C6orf118: variants seen among roughly 807,000 people sequenced by gnomAD.
C6orf118 encodes uncharacterized protein C6orf118.
In C6orf118, 50 loss-of-function variants were observed where a neutral mutation model predicts 50.2. The observed-to-expected ratio is 1.00, with a 90% CI of 0.79 to 1.26. The LOEUF is 1.26. Ranked by LOEUF, C6orf118 falls within the 50% of genes most tolerant of loss-of-function variation. The pLI, the probability that C6orf118 is intolerant of heterozygous loss-of-function variation, is 0.00. For synonymous variants in C6orf118, 239 were observed against 230.9 expected (o/e 1.03, Z -0.32); for missense variants, 641 against 578.7 (o/e 1.11, Z -1.10).
intron 7 of C6orf118, among the ~76,000 whole-genome samples, chr6:165,285,377 A>G (rs543495392): frequency 4.3e-4 from 66 of 152,308 alleles, no homozygotes; most frequent in African/African-American, 1.5e-3. Flanking sequence ...CCCACTGTCA[A>G]TATTAAACAG....
chr6:165,281,555 A>T, intron 8 of C6orf118, 85 bp downstream of exon 8: 1 of 1,439,134 alleles, frequency 6.9e-7, no homozygotes, highest in Non-Finnish European at 9.1e-7. Context: ...AATTACGATC[A>T]GTTGGTCATG....
chr6:165,307,525 T>C (rs1473343090), intron 1 of C6orf118, among the ~76,000 whole-genome samples: 1 of 150,666 alleles, frequency 6.6e-6, no homozygotes, highest in Admixed American at 6.6e-5. Flanking sequence ...ACCACTGCAC[T>C]CCAGCCTGGA....
intron 6 of C6orf118, among the ~76,000 whole-genome samples, chr6:165,290,991 G>C (rs916519467): frequency 1.3e-5 from 2 of 152,106 alleles, no homozygotes; most frequent in African/African-American, 4.8e-5. Flanking sequence ...TGAGAAATAC[G>C]CAAAAGGGGA....
intron 3 of C6orf118, among the ~76,000 whole-genome samples, chr6:165,300,079 A>T (rs1780461558): frequency 6.6e-6 from 1 of 152,222 alleles, no homozygotes; most frequent in South Asian, 2.1e-4. Flanking sequence ...TATTAGAATT[A>T]TAATTAAGTT....
chr6:165,292,113 A>T (rs1780125031), intron 6 of C6orf118, among the ~76,000 whole-genome samples: 1 of 152,326 alleles, frequency 6.6e-6, no homozygotes, highest in South Asian at 2.1e-4. Context: ...CTCCGCCTTA[A>T]CCTAAGCTGA....
At chr6:165,298,977 T>A (rs141258777) in intron 4 of C6orf118, among the ~76,000 whole-genome samples, 1 of 152,354 alleles carries the variant, frequency 6.6e-6, no homozygotes, top group Non-Finnish European at 1.5e-5. Context: ...GATAAAGTTA[T>A]TCCTGCAGTA....
At chr6:165,290,127 G>A in intron 6 of C6orf118, 60 bp from the exon 7 acceptor site, 1 of 996,398 alleles carries the variant, frequency 1.0e-6, no homozygotes, top group South Asian at 1.5e-5. Context: ...ATTATTAATA[G>A]CATTATGTAT....
At position 165,282,898 on chromosome 6, in the gene C6orf118, C is replaced by T. The variant is rs184728848; in HGVS notation, c.1303-1205G>A. ...GAAAGAATAGTTTACATTGTTCTGA[C>T]ATTATATCATGCTTCAATATTTAAA... On this transcript the variant is annotated intron_variant, in intron 7 of 8. Transcript: ENST00000230301. Among the ~76,000 whole-genome samples, 91 of 152,220 alleles carry T rather than the reference C, an allele frequency of 6.0e-4. 1 individual carries two copies. Among genetic ancestry groups the T allele is most frequent in the African/African-American group, 2.0e-3 (85 of 41,552 alleles).
intron 1 of C6orf118, 147 bp downstream of exon 1, chr6:165,309,415 G>T: frequency 1.1e-6 from 1 of 909,962 alleles, no homozygotes; most frequent in Non-Finnish European, 1.7e-6. Context: ...CCCCAATCCA[G>T]TCCTCAGCCC....
chr6:165,292,432 A>G (rs1167668147), intron 6 of C6orf118, among the ~76,000 whole-genome samples: 1 of 152,248 alleles, frequency 6.6e-6, no homozygotes, highest in Non-Finnish European at 1.5e-5. Flanking sequence ...AGCTCTGGAA[A>G]GTTCGTCACT....
At chr6:165,298,134 G>C in intron 4 of C6orf118, 33 bp from the exon 5 acceptor site, 1 of 1,536,646 alleles carries the variant, frequency 6.5e-7, no homozygotes, top group Non-Finnish European at 8.7e-7. Context: ...GGTGAGACAA[G>C]CACACAGGGA....
intron 5 of C6orf118, among the ~76,000 whole-genome samples, 183 bp downstream of exon 5, chr6:165,297,794 C>CAGA (rs1252326950): frequency 6.6e-6 from 1 of 152,198 alleles, no homozygotes; most frequent in Non-Finnish European, 1.5e-5. Flanking sequence ...CCATACTTAG[C>CAGA]AGAATGTCTT....
At chr6:165,294,130 C>A (rs1228817304) in intron 5 of C6orf118, among the ~76,000 whole-genome samples, 1 of 151,636 alleles carries the variant, frequency 6.6e-6, no homozygotes, top group African/African-American at 2.4e-5. Flanking sequence ...CCTGTAGTCC[C>A]AGCTACTTGG....
chr6:165,308,837 A>C (rs1311786523), intron 1 of C6orf118, among the ~76,000 whole-genome samples: 1 of 152,178 alleles, frequency 6.6e-6, no homozygotes, highest in Non-Finnish European at 1.5e-5. Flanking sequence ...GTACATGAAG[A>C]GCACTAAATG....
chr6:165,283,014 C>G (rs1053502391), intron 7 of C6orf118, among the ~76,000 whole-genome samples: 3 of 152,080 alleles, frequency 2.0e-5, no homozygotes, highest in Non-Finnish European at 4.4e-5. Flanking sequence ...GGAGATCAAA[C>G]CCTAAACAAA....
chr6:165,286,156 G>A (rs1779896770), intron 7 of C6orf118, among the ~76,000 whole-genome samples: 1 of 152,090 alleles, frequency 6.6e-6, no homozygotes, highest in Admixed American at 6.6e-5. Context: ...ACACCTCTAT[G>A]CAAATAAACT....
intron 7 of C6orf118, 30 bp downstream of exon 7, chr6:165,289,856 T>C (rs758906972): frequency 1.4e-5 from 21 of 1,464,548 alleles, no homozygotes; most frequent in East Asian, 2.3e-5. Flanking sequence ...AAAAGAATAA[T>C]GTAAATATTT....
In C6orf118 at chr6:165,299,433, C is replaced by T. The variant is rs748196177; in HGVS notation, c.936+10G>A. The T allele has an allele frequency of 1.2e-5, 20 of 1,613,266 alleles. No individual in the cohort carries two copies. The highest frequency in any genetic ancestry group is 1.2e-4 in the Admixed American group (7 of 60,014). ...AGGCTCTATTCAGGCTCTTTGTGAT[C>T]GATCGTCACCTCGTACTGTGCTGCA... On this transcript the variant is annotated intron_variant, in intron 4 of 8. Transcript: ENST00000230301.
chr6:165,294,187 A>C (rs1177107507), intron 5 of C6orf118, among the ~76,000 whole-genome samples: 1 of 150,424 alleles, frequency 6.6e-6, no homozygotes, highest in Non-Finnish European at 1.5e-5. Context: ...CAGAGGTTGC[A>C]GTGAGCCGAG....
Sources: allele counts gnomAD v4.1 joint callset (sites outside exome capture counted in the v4.1 genomes callset), GRCh38; gene constraint gnomAD v4.1.1; transcripts MANE v1.5; gene names NCBI Gene and HGNC (gene_info 2026-07-23, HGNC 2026-07-21).